The following DDX10 variants were observed in gnomAD, a reference collection of about 807,000 sequenced individuals.
DDX10 encodes the protein DEAD-box helicase 10.
Under a neutral mutation model 104.3 loss-of-function variants are expected in DDX10, and 74 were observed. The observed-to-expected ratio is 0.71, with a 90% CI of 0.59 to 0.86. DDX10 has a LOEUF of 0.86. Among genes scored for constraint, DDX10 ranks in the 40% least tolerant of loss-of-function variants. The pLI is 0.00. For synonymous variants in DDX10, 351 were observed against 353.4 expected, an observed-to-expected ratio of 0.99 and a Z score of 0.08; for missense variants, 952 against 1,040.0, an observed-to-expected ratio of 0.92 and a Z score of 1.16.
chr11:108,805,078 CT>C (rs889059047), intron 13 of DDX10, among the ~76,000 whole-genome samples: 10 of 152,212 alleles, frequency 6.6e-5, no homozygotes, highest in Non-Finnish European at 1.2e-4. Flanking sequence ...CAGGGTCATT[CT>C]CCCACAGGCA....
intron 9 of DDX10, among the ~76,000 whole-genome samples, chr11:108,703,531 T>C (rs1342359880): frequency 1.3e-5 from 2 of 152,164 alleles, no homozygotes; most frequent in African/African-American, 2.4e-5. Flanking sequence ...GGTTTCACCA[T>C]GTTGGCCAGG....
At chr11:108,707,848 T>C (rs1366896489) in intron 10 of DDX10, among the ~76,000 whole-genome samples, 1 of 152,208 alleles carries the variant, frequency 6.6e-6, no homozygotes, top group Non-Finnish European at 1.5e-5. Flanking sequence ...ACTTAAGTCT[T>C]ATAACTAGTG....
intron 13 of DDX10, among the ~76,000 whole-genome samples, chr11:108,728,198 C>T (rs1346558455): frequency 6.6e-6 from 1 of 152,104 alleles, no homozygotes; most frequent in Non-Finnish European, 1.5e-5. Flanking sequence ...CTTTTCCTAA[C>T]TTAGGTTCCT....
intron 16 of DDX10, among the ~76,000 whole-genome samples, chr11:108,880,813 T>G (rs771620044): frequency 6.6e-6 from 1 of 152,226 alleles, no homozygotes; most frequent in Non-Finnish European, 1.5e-5. Flanking sequence ...TCAAAGCTAT[T>G]ATTACCAAGT....
chr11:108,743,253 G>A (rs776524662), intron 13 of DDX10, among the ~76,000 whole-genome samples: 2 of 152,078 alleles, frequency 1.3e-5, no homozygotes, highest in South Asian at 2.1e-4. Flanking sequence ...GTTATCCATC[G>A]TATAATCAGA....
At chr11:108,778,099 T>C (rs960889560) in intron 13 of DDX10, among the ~76,000 whole-genome samples, 4 of 152,170 alleles carry the variant, frequency 2.6e-5, no homozygotes, top group Non-Finnish European at 5.9e-5. Context: ...GAGTCAATAT[T>C]GTGAAGATGG....
chr11:108,802,012 T>G (rs1344492496), intron 13 of DDX10, among the ~76,000 whole-genome samples: 12 of 146,608 alleles, frequency 8.2e-5, no homozygotes, highest in Admixed American at 2.0e-4. Context: ...GTGAGTGGGG[T>G]GTGTGTGTGT....
At chr11:108,873,102 A>C (rs1863104415) in intron 16 of DDX10, among the ~76,000 whole-genome samples, 1 of 152,224 alleles carries the variant, frequency 6.6e-6, no homozygotes, top group Non-Finnish European at 1.5e-5. Flanking sequence ...TGACTGTCAC[A>C]TGAATCAGTG....
intron 13 of DDX10, among the ~76,000 whole-genome samples, chr11:108,751,115 A>T (rs2094338180): frequency 6.6e-6 from 1 of 151,462 alleles, no homozygotes; most frequent in African/African-American, 2.4e-5. Flanking sequence ...AAAATAGAGT[A>T]CTTTTTATTT....
intron 9 of DDX10, among the ~76,000 whole-genome samples, chr11:108,700,034 A>G (rs2134455986): frequency 6.6e-6 from 1 of 152,278 alleles, no homozygotes; most frequent in Middle Eastern, 3.4e-3. Flanking sequence ...GGTGCATCCT[A>G]TTAAAAGCCT....
At chr11:108,878,307 T>G (rs968624559) in intron 16 of DDX10, among the ~76,000 whole-genome samples, 1 of 152,230 alleles carries the variant, frequency 6.6e-6, no homozygotes, top group Non-Finnish European at 1.5e-5. Flanking sequence ...TATCCTCTTG[T>G]GAAGAACGAG....
chr11:108,882,877 C>G (rs12785398), intron 16 of DDX10, among the ~76,000 whole-genome samples: 1 of 152,072 alleles, frequency 6.6e-6, no homozygotes, highest in South Asian at 2.1e-4. Context: ...CATTTAAAAT[C>G]TCTGGGTCTT....
At chr11:108,869,916 C>T in intron 16 of DDX10, among the ~76,000 whole-genome samples, 1 of 151,836 alleles carries the variant, frequency 6.6e-6, no homozygotes, top group Non-Finnish European at 1.5e-5. Context: ...TTATACTCCA[C>T]CACAATTTAT....
At chr11:108,810,350 G>GT (rs148621453) in intron 13 of DDX10, among the ~76,000 whole-genome samples, 2 of 151,914 alleles carry the variant, frequency 1.3e-5, no homozygotes, top group African/African-American at 4.8e-5. Flanking sequence ...AACCTATTGG[G>GT]TTTTTTTTAA....
chr11:108,683,934 T>A (rs2094239095), intron 6 of DDX10, among the ~76,000 whole-genome samples: 1 of 152,116 alleles, frequency 6.6e-6, no homozygotes, highest in Non-Finnish European at 1.5e-5. Flanking sequence ...TAATTAATGA[T>A]GAATTAATGA....
chr11:108,680,522 A>T (rs1002054349), intron 6 of DDX10, among the ~76,000 whole-genome samples: 1 of 152,176 alleles, frequency 6.6e-6, no homozygotes, highest in Admixed American at 6.5e-5. Flanking sequence ...CCCAGCTGGG[A>T]TATGTTTTAA....
In DDX10 at chr11:108,833,450, TTGAA is replaced by T. The variant is rs572044068; in HGVS notation, c.1966-4992_1966-4989del. On this transcript the variant is annotated intron_variant, in intron 13 of 17. Coordinates refer to ENST00000322536, the MANE Select transcript of DDX10 (RefSeq NM_004398.4). ...GATGGCGCTGACATTTGCAGCATCT[TTGAA>T]TGAGTGAAGAATAATTCTAGAGTAT... Among the ~76,000 whole-genome samples, 5 of 152,350 alleles carry T rather than the reference TTGAA, an allele frequency of 3.3e-5. No individual in the cohort carries two copies. In the South Asian group the frequency reaches 1.0e-3, roughly 32 times the overall value.
At chr11:108,889,378 G>A (rs1368298357) in intron 16 of DDX10, among the ~76,000 whole-genome samples, 1 of 151,992 alleles carries the variant, frequency 6.6e-6, no homozygotes, top group Non-Finnish European at 1.5e-5. Flanking sequence ...ATGGATGAAA[G>A]GTATTATTCT....
chr11:108,753,867 A>G (rs1296863757), intron 13 of DDX10, among the ~76,000 whole-genome samples: 1 of 151,978 alleles, frequency 6.6e-6, no homozygotes, highest in Non-Finnish European at 1.5e-5. Context: ...ATCAATTTAA[A>G]ATTTCTTAGG....
Sources: allele counts gnomAD v4.1 joint callset (sites outside exome capture counted in the v4.1 genomes callset), GRCh38; gene constraint gnomAD v4.1.1; transcripts MANE v1.5; gene names NCBI Gene and HGNC (gene_info 2026-07-23, HGNC 2026-07-21).